TXNRD1: variants seen among roughly 807,000 people sequenced by gnomAD.
The protein encoded by TXNRD1 is thioredoxin reductase 1.
In TXNRD1, 57 loss-of-function variants were observed where a neutral mutation model predicts 80.3. That is an observed-to-expected ratio of 0.71 (90% CI 0.57 to 0.89). TXNRD1 has a LOEUF of 0.89. Ranked by LOEUF, TXNRD1 falls within the 40% of genes least tolerant of loss-of-function variation. The pLI is 0.00. For missense variants in TXNRD1, 730 were observed against 803.0 expected (o/e 0.91, Z 1.10); for synonymous variants, 291 against 285.2 (o/e 1.02, Z -0.20).
At chr12:104,283,790 A>T (rs1468433736) in intron 3 of TXNRD1, among the ~76,000 whole-genome samples, 1 of 152,100 alleles carries the variant, frequency 6.6e-6, no homozygotes, top group Non-Finnish European at 1.5e-5. Context: ...GAATCACTGG[A>T]ACCTGAGAGG....
chr12:104,288,943 C>G lies in TXNRD1; in HGVS notation c.317C>G (p.Ala106Gly). ...LELDQTEDGR[A>G]LEGTLSELAA... is the part of the protein sequence containing the mutation. ...TTGTGCCACACAGAGGACGGTCGGG[C>G]CCTGGAAGGAACGCTCTCGGAATTG... Residue 106 changes from alanine (A) to glycine (G), a missense_variant, in exon 4 of 17, where the codon GCC becomes GGC. By Grantham distance (60) the Ala-to-Gly change is moderately conservative (BLOSUM62 0). Transcript: ENST00000525566. 6.2e-7 allele frequency: 1 copy of G among 1,614,048 alleles called. No individual in the cohort carries two copies. The highest frequency in any genetic ancestry group is 8.5e-7 in the Non-Finnish European group (1 of 1,179,892).
intron 3 of TXNRD1, among the ~76,000 whole-genome samples, chr12:104,271,269 T>G (rs2033647144): frequency 6.7e-6 from 1 of 148,188 alleles, no homozygotes; most frequent in African/African-American, 2.5e-5. Flanking sequence ...CACTGCAAGC[T>G]CCGCCTCCCA....
intron 16 of TXNRD1, chr12:104,345,922 G>A (rs887549377): frequency 1.6e-6 from 2 of 1,273,976 alleles, no homozygotes; most frequent in Non-Finnish European, 2.0e-6. Flanking sequence ...GAAGGGCATG[G>A]AGGCTGCCCC....
At chr12:104,295,522 C>A (rs980846794) in intron 4 of TXNRD1, among the ~76,000 whole-genome samples, 1 of 152,190 alleles carries the variant, frequency 6.6e-6, no homozygotes, top group African/African-American at 2.4e-5. Context: ...CAGGGTCTAG[C>A]CCCAACCTGC....
chr12:104,265,816 A>G, intron 3 of TXNRD1: 2 of 1,481,188 alleles, frequency 1.4e-6, no homozygotes, highest in Non-Finnish European at 1.8e-6. Flanking sequence ...CTTCACCACC[A>G]AGAGGCCCAA....
At chr12:104,327,806 T>G in intron 13 of TXNRD1, 135 bp downstream of exon 13, 1 of 867,478 alleles carries the variant, frequency 1.2e-6, no homozygotes, top group South Asian at 1.9e-5. Flanking sequence ...AGATGTCCTT[T>G]ATTAGTTGTA....
chr12:104,344,430 ACTC>A (rs1037025891), intron 16 of TXNRD1, among the ~76,000 whole-genome samples: 1 of 151,604 alleles, frequency 6.6e-6, no homozygotes, highest in African/African-American at 2.4e-5. Context: ...AAGGCTTTAA[ACTC>A]CTGGTTATGG....
rs146044397 is a variant in TXNRD1, at chr12:104,242,836, T to C, written c.92-8691T>C. On this transcript the variant is annotated intron_variant, in intron 1 of 16. Transcript: ENST00000525566. ...TGGATTTCTGGCGTAATTTCTCTTATCATGAACCATTCCATAAACCAGTCC... is the reference window on the plus strand; with the variant it reads ...TGGATTTCTGGCGTAATTTCTCTTACCATGAACCATTCCATAAACCAGTCC... Among the ~76,000 whole-genome samples, 19 of 152,272 alleles carry C rather than the reference T, an allele frequency of 1.2e-4. No homozygotes were observed. The East Asian group carries it at 2.3e-3, about 19-fold the overall frequency.
intron 4 of TXNRD1, among the ~76,000 whole-genome samples, chr12:104,295,449 G>A (rs1043642143): frequency 1.3e-5 from 2 of 151,934 alleles, no homozygotes; most frequent in Non-Finnish European, 2.9e-5. Flanking sequence ...ATTGCTACTC[G>A]CTGGCCCCAG....
chr12:104,287,023 G>A (rs1425786533), intron 3 of TXNRD1: 2 of 1,368,416 alleles, frequency 1.5e-6, no homozygotes, highest in African/African-American at 2.9e-5. Flanking sequence ...TTTCACCTCA[G>A]TTTTCTTCAC....
chr12:104,234,020 C>T (rs912818834), intron 1 of TXNRD1, among the ~76,000 whole-genome samples: 5 of 152,128 alleles, frequency 3.3e-5, no homozygotes, highest in African/African-American at 1.2e-4. Context: ...ATACATTCTT[C>T]TTCTATTTCA....
At chr12:104,288,598 T>C (rs2034055501) in intron 3 of TXNRD1, 6 of 416,198 alleles carry the variant, frequency 1.4e-5, no homozygotes, top group Non-Finnish European at 2.3e-5. Context: ...TTTTGAAGCT[T>C]TTCTGAATTC....
At chr12:104,324,353 G>GT (rs199989955) in intron 10 of TXNRD1, among the ~76,000 whole-genome samples, 1,517 of 120,092 alleles carry the variant, frequency 0.013, 10 homozygotes, top group African/African-American at 0.027. Context: ...GGTGGGTTTC[G>GT]TTTTTTTTTT....
chr12:104,257,881 G>A (rs931245350), intron 2 of TXNRD1, 138 bp from the exon 3 acceptor site: 1 of 651,170 alleles, frequency 1.5e-6, no homozygotes, highest in Non-Finnish European at 2.7e-6. Context: ...GAATCTTATG[G>A]GTTACATAAA....
chr12:104,328,200 C>G (rs919615643), intron 13 of TXNRD1, among the ~76,000 whole-genome samples: 2 of 150,684 alleles, frequency 1.3e-5, no homozygotes, highest in African/African-American at 4.9e-5. Context: ...AGAAAATTGA[C>G]ATCTTGGATT....
rs117516035 is a variant in TXNRD1 at position 104,329,955 on chromosome 12, G to T, written c.1543-1579G>T. Among the ~76,000 whole-genome samples, 829 of 152,280 alleles carry T rather than the reference G, an allele frequency of 5.4e-3. 3 individuals are homozygous for T. Among genetic ancestry groups the T allele is most frequent in the Non-Finnish European group, 8.6e-3 (582 of 68,022 alleles). On this transcript the variant is annotated intron_variant, in intron 13 of 16. Transcript: ENST00000525566. ...GTTTCCCTTCCCGCAGGGATCACAG[G>T]CTTGCACTGCCTCTTGGTCGATGTC...
At chr12:104,313,358 A>C in intron 6 of TXNRD1, 41 bp downstream of exon 6, 1 of 1,472,962 alleles carries the variant, frequency 6.8e-7, no homozygotes, top group South Asian at 1.3e-5. Context: ...TTGCCGAAGT[A>C]GTTTTCCCCT....
intron 3 of TXNRD1, among the ~76,000 whole-genome samples, chr12:104,268,398 G>A (rs564453152): frequency 7.3e-5 from 11 of 151,274 alleles, no homozygotes; most frequent in Admixed American, 1.3e-4. Context: ...GGTGGCAGGC[G>A]CCTGTAGTCC....
intron 16 of TXNRD1, among the ~76,000 whole-genome samples, chr12:104,344,561 C>A (rs1162700636): frequency 6.6e-6 from 1 of 152,184 alleles, no homozygotes; most frequent in Non-Finnish European, 1.5e-5. Flanking sequence ...GCCTATCAAT[C>A]ATCTCAAACA....
Sources: allele counts gnomAD v4.1 joint callset (sites outside exome capture counted in the v4.1 genomes callset), GRCh38; gene constraint gnomAD v4.1.1; transcripts MANE v1.5; gene names NCBI Gene and HGNC (gene_info 2026-07-23, HGNC 2026-07-21).